The following PRKAA1 variants were observed in gnomAD, a reference collection of about 807,000 sequenced individuals.
PRKAA1 encodes protein kinase AMP-activated catalytic subunit alpha 1.
In PRKAA1, 23 loss-of-function variants were observed where a neutral mutation model predicts 56.9. The observed-to-expected ratio is 0.40, with a 90% CI of 0.29 to 0.57. The LOEUF (loss-of-function observed/expected upper bound fraction) is 0.57, where lower values mean the gene tolerates loss of function less well. Among genes scored for constraint, PRKAA1 ranks in the 20% least tolerant of loss-of-function variants. The pLI, the probability that PRKAA1 is intolerant of heterozygous loss-of-function variation, is 0.39. For missense variants in PRKAA1, 413 were observed against 679.7 expected (o/e 0.61, Z 4.36); for synonymous variants, 226 against 227.0 (o/e 1.00, Z 0.04).
chr5:40,775,295 C>T, intron 3 of PRKAA1, 115 bp downstream of exon 3: 1 of 778,480 alleles, frequency 1.3e-6, no homozygotes, highest in Non-Finnish European at 2.2e-6. Context: ...AAATATATGA[C>T]TAAGGGAACT....
rs1349178291 is a variant in PRKAA1 at position 40,764,856 on chromosome 5, C to T, written c.1204G>A (p.Val402Ile). 1 of 1,614,070 alleles carries T rather than the reference C, an allele frequency of 6.2e-7. No homozygotes were observed. Among genetic ancestry groups the T allele is most frequent in the African/African-American group, 1.3e-5 (1 of 74,928 alleles). Residue 402 changes from valine to isoleucine, a missense_variant, in exon 7 of 9, where the codon GTA (valine) becomes ATA (isoleucine). Transcript: ENST00000397128. ...CCTAAATGCCATTTTGCTTTCCTTACACCTTGGTGTTTGGATTTCTGTGGA... is the reference window on the plus strand; with the variant it reads ...CCTAAATGCCATTTTGCTTTCCTTATACCTTGGTGTTTGGATTTCTGTGGA... ...LNPQKSKHQG[V>I]RKAKWHLGIR...
chr5:40,774,691 G>A (rs1743913755), intron 3 of PRKAA1, among the ~76,000 whole-genome samples: 1 of 151,680 alleles, frequency 6.6e-6, no homozygotes, highest in African/African-American at 2.4e-5. Context: ...AAATAGACAT[G>A]CTATATAGAA....
At chr5:40,783,669 G>C (rs1481764208) in intron 1 of PRKAA1, among the ~76,000 whole-genome samples, 1 of 152,108 alleles carries the variant, frequency 6.6e-6, no homozygotes, top group African/African-American at 2.4e-5. Context: ...TGAGGCAGGA[G>C]AATCGCTTGA....
chr5:40,766,713 C>T (rs1743450764), intron 6 of PRKAA1, among the ~76,000 whole-genome samples: 1 of 151,954 alleles, frequency 6.6e-6, no homozygotes, highest in African/African-American at 2.4e-5. Context: ...AGTATTAATC[C>T]TAACGCCAGG....
At chr5:40,764,069 C>A (rs1743310987) in intron 8 of PRKAA1, among the ~76,000 whole-genome samples, 1 of 152,196 alleles carries the variant, frequency 6.6e-6, no homozygotes, top group Non-Finnish European at 1.5e-5. Context: ...TAAGCCACCA[C>A]ACCTGCACTC....
At position 40,764,969 on chromosome 5, in the gene PRKAA1, T is replaced by C. The variant is rs1196469993; in HGVS notation, c.1091A>G (p.Asp364Gly). 1 of 1,614,174 alleles carries C rather than the reference T, an allele frequency of 6.2e-7. No homozygotes were observed. Among genetic ancestry groups the C allele is most frequent in the Admixed American group, 1.7e-5 (1 of 60,020 alleles). The change falls in exon 7 of 9, where the codon GAT becomes GGT. Residue 364 changes from aspartate (D) to glycine (G), a missense_variant. Around this residue, in one of 9 missense-constraint regions of PRKAA1, gnomAD observed 50 missense variants for 87.7 expected, o/e 0.57. Transcript: ENST00000397128. ...ATSPPDSFLDDHHLTRPHPER... is the reference protein window; with the variant it reads ...ATSPPDSFLDGHHLTRPHPER... Reference sequence around the variant, plus strand: ...AGGATGGGGCCGAGTCAGGTGATGATCATCAAGAAAAGAATCAGGTGGGCT... The same window carrying C: ...AGGATGGGGCCGAGTCAGGTGATGACCATCAAGAAAAGAATCAGGTGGGCT...
At chr5:40,778,328 ATAAGT>A (rs759765078) in intron 1 of PRKAA1, among the ~76,000 whole-genome samples, 4 of 152,220 alleles carry the variant, frequency 2.6e-5, no homozygotes, top group South Asian at 4.1e-4. Flanking sequence ...CTAAGCAAAT[ATAAGT>A]TATTTTCTCT....
At position 40,767,693 on chromosome 5, in the gene PRKAA1, G is replaced by A. The variant is rs2111993562; in HGVS notation, c.597-3C>T. The A allele has an allele frequency of 6.3e-7, 1 of 1,583,530 alleles. No individual in the cohort carries two copies. Among genetic ancestry groups the A allele is most frequent in the Non-Finnish European group, 8.6e-7 (1 of 1,157,592 alleles). On this transcript the variant is annotated splice_region_variant and splice_polypyrimidine_tract_variant and intron_variant, in intron 5 of 8. Transcript: ENST00000397128. ...CTACCTCTGGGCCTGCATACAATCT[G>A]TAACAGGAAATAACAATTGGATTAA...
intron 4 of PRKAA1, among the ~76,000 whole-genome samples, chr5:40,769,897 A>AC (rs904645267): frequency 9.9e-5 from 15 of 151,434 alleles, no homozygotes; most frequent in African/African-American, 3.6e-4. Context: ...AAAAAAAAAA[A>AC]AAAACAGTAA....
chr5:40,793,341 T>C (rs1207416467), intron 1 of PRKAA1, among the ~76,000 whole-genome samples: 2 of 151,934 alleles, frequency 1.3e-5, no homozygotes, highest in African/African-American at 2.4e-5. Flanking sequence ...AATTCAAGCA[T>C]AATCACAAAA....
At chr5:40,767,720 G>A (rs1362937482) in intron 5 of PRKAA1, 30 bp from the exon 6 acceptor site, 1 of 1,524,904 alleles carries the variant, frequency 6.6e-7, no homozygotes, top group Non-Finnish European at 9.0e-7. Flanking sequence ...TTGGATTAAA[G>A]AATCATTTTA....
intron 1 of PRKAA1, chr5:40,790,174 C>A (rs1744657828): frequency 1.3e-5 from 2 of 152,212 alleles, no homozygotes; most frequent in African/African-American, 4.8e-5. Context: ...GGAGCAGGAC[C>A]ACACACTCAG....
chr5:40,778,486 C>T (rs546706825), intron 1 of PRKAA1, among the ~76,000 whole-genome samples: 1 of 152,102 alleles, frequency 6.6e-6, no homozygotes, highest in East Asian at 1.9e-4. Context: ...TTGCTGTATA[C>T]CTTTTCGTAT....
intron 4 of PRKAA1, among the ~76,000 whole-genome samples, chr5:40,769,891 A>C (rs932503809): frequency 8.0e-5 from 12 of 150,914 alleles, no homozygotes; most frequent in African/African-American, 2.4e-4. Flanking sequence ...AAAAAAAAAA[A>C]AAAAAAAAAA....
intron 4 of PRKAA1, among the ~76,000 whole-genome samples, chr5:40,770,569 T>C (rs1169488254): frequency 1.3e-5 from 2 of 150,654 alleles, no homozygotes; most frequent in Non-Finnish European, 3.0e-5. Context: ...TGGCAATTTA[T>C]ATAGGAAATA....
chr5:40,768,912 T>G (rs1743596482), intron 5 of PRKAA1: 1 of 1,551,268 alleles, frequency 6.4e-7, no homozygotes, highest in East Asian at 2.3e-5. Context: ...AATTGAGAGG[T>G]TAAAATTCTT....
At chr5:40,773,147 G>C (rs866881185) in intron 3 of PRKAA1, among the ~76,000 whole-genome samples, 1 of 152,102 alleles carries the variant, frequency 6.6e-6, no homozygotes, top group Admixed American at 6.6e-5. Context: ...AAAGGGCATG[G>C]ATAATATGGG....
intron 1 of PRKAA1, among the ~76,000 whole-genome samples, chr5:40,783,158 AATTTG>A (rs1362237871): frequency 1.3e-5 from 2 of 152,116 alleles, no homozygotes; most frequent in African/African-American, 4.8e-5. Context: ...TCCTTCTAAG[AATTTG>A]ATTTAAAAGT....
chr5:40,779,306 C>A (rs1306938754), intron 1 of PRKAA1, among the ~76,000 whole-genome samples: 1 of 152,024 alleles, frequency 6.6e-6, no homozygotes, highest in East Asian at 1.9e-4. Flanking sequence ...TTCCAAAAAT[C>A]ACAATCCCAA....
Sources: gnomAD v4.1 joint callset for allele counts (sites outside exome capture counted in the v4.1 genomes callset) on GRCh38, gnomAD v4.1.1 for gene constraint, gnomAD v4.1.1 regional missense constraint, MANE v1.5 for transcripts, NCBI Gene and HGNC (gene_info 2026-07-23, HGNC 2026-07-21) for gene names.